Variants in RSRC1 observed in about 807,000 individuals in gnomAD.
RSRC1 encodes the protein arginine and serine rich coiled-coil 1.
Under a neutral mutation model 49.1 loss-of-function variants are expected in RSRC1, and 39 were observed. The ratio of observed to expected loss-of-function variants is 0.79; its 90% CI spans 0.61 to 1.04. The LOEUF (loss-of-function observed/expected upper bound fraction) is 1.04. Among genes scored for constraint, RSRC1 ranks in the 50% least tolerant of loss-of-function variants. RSRC1 has a pLI of 0.00. For synonymous variants in RSRC1, 143 were observed against 130.8 expected (o/e 1.09, Z -0.63); for missense variants, 388 against 402.4 (o/e 0.96, Z 0.31).
intron 7 of RSRC1, among the ~76,000 whole-genome samples, chr3:158,512,395 T>C (rs1451416432): frequency 6.8e-6 from 1 of 146,082 alleles, no homozygotes; most frequent in Non-Finnish European, 1.5e-5. Flanking sequence ...TGCTTGTTTT[T>C]CTCAGGTTTG....
intron 6 of RSRC1, 31 bp downstream of exon 6, chr3:158,354,939 G>A (rs750175086): frequency 6.8e-7 from 1 of 1,470,564 alleles, no homozygotes; most frequent in South Asian, 1.4e-5. Context: ...TTTATTAAAT[G>A]AAGAAGTGAC....
At chr3:158,189,110 A>G (rs1185774729) in intron 3 of RSRC1, among the ~76,000 whole-genome samples, 1 of 151,780 alleles carries the variant, frequency 6.6e-6, no homozygotes, top group African/African-American at 2.4e-5. Context: ...TTAATTTCCA[A>G]ACATTTAGGG....
intron 6 of RSRC1, among the ~76,000 whole-genome samples, chr3:158,371,827 A>G (rs1017614323): frequency 1.3e-5 from 2 of 151,896 alleles, no homozygotes; most frequent in African/African-American, 2.4e-5. Flanking sequence ...ACAGCAGTCT[A>G]TAAGAAATCC....
chr3:158,350,177 TAA>T (rs1560005509), intron 5 of RSRC1, among the ~76,000 whole-genome samples: 8 of 80,488 alleles, frequency 9.9e-5, no homozygotes, highest in African/African-American at 3.9e-4. Flanking sequence ...TATATATATA[TAA>T]TTTTTTTTTT....
chr3:158,509,130 G>T (rs190241544), intron 7 of RSRC1, among the ~76,000 whole-genome samples: 3 of 152,106 alleles, frequency 2.0e-5, no homozygotes, highest in Admixed American at 6.6e-5. Flanking sequence ...TATAGTTTTA[G>T]GTTTTATATT....
chr3:158,147,784 G>T (rs538427990), intron 3 of RSRC1, among the ~76,000 whole-genome samples: 1 of 152,224 alleles, frequency 6.6e-6, no homozygotes, highest in African/African-American at 2.4e-5. Context: ...TTGAACAATA[G>T]GAGAAATTCT....
intron 4 of RSRC1, among the ~76,000 whole-genome samples, chr3:158,245,691 A>G (rs1054085186): frequency 7.2e-5 from 11 of 152,158 alleles, no homozygotes. Context: ...TACTTTATGA[A>G]TCTGGGTGCT....
At chr3:158,249,724 G>C (rs1277349320) in intron 4 of RSRC1, among the ~76,000 whole-genome samples, 2 of 151,644 alleles carry the variant, frequency 1.3e-5, no homozygotes, top group East Asian at 3.9e-4. Context: ...TATATTAATG[G>C]AGTACATGAG....
rs1737664656 is a variant in RSRC1, at chr3:158,462,438, G to A, written c.652+1435G>A. On this transcript the variant is annotated intron_variant, in intron 7 of 9. Coordinates refer to ENST00000611884, the MANE Select transcript of RSRC1 (RefSeq NM_001271838.2). Reference sequence around the variant, plus strand: ...TGTGGTACCGTAAATCACGTGTATAGTACTTATGACCAAGCAATACAGTGA... The same window carrying A: ...TGTGGTACCGTAAATCACGTGTATAATACTTATGACCAAGCAATACAGTGA... 3.9e-5 allele frequency among the ~76,000 whole-genome samples: 6 copies of A among 151,940 alleles called. No individual in the cohort carries two copies. The South Asian group carries it at 1.2e-3, about 32-fold the overall frequency.
intron 4 of RSRC1, among the ~76,000 whole-genome samples, chr3:158,266,997 C>A (rs1387327461): frequency 6.6e-6 from 1 of 152,164 alleles, no homozygotes; most frequent in African/African-American, 2.4e-5. Context: ...CCCCTGAGCT[C>A]AAGTGATCCA....
intron 7 of RSRC1, among the ~76,000 whole-genome samples, chr3:158,474,624 C>T (rs1738288217): frequency 1.3e-5 from 2 of 152,198 alleles, no homozygotes; most frequent in African/African-American, 4.8e-5. Context: ...CTTCTTCTTT[C>T]AAAAGTTGGA....
chr3:158,251,472 T>C (rs1724205563), intron 4 of RSRC1, among the ~76,000 whole-genome samples: 1 of 152,220 alleles, frequency 6.6e-6, no homozygotes, highest in South Asian at 2.1e-4. Flanking sequence ...TTCCATTTTG[T>C]TATGTCCTCT....
At chr3:158,391,030 T>C (rs1369245026) in intron 6 of RSRC1, among the ~76,000 whole-genome samples, 1 of 152,174 alleles carries the variant, frequency 6.6e-6, no homozygotes, top group Non-Finnish European at 1.5e-5. Context: ...ATCTGCTTCA[T>C]GATAGAGCTA....
intron 4 of RSRC1, among the ~76,000 whole-genome samples, chr3:158,259,244 G>T (rs954649999): frequency 2.5e-4 from 38 of 152,262 alleles, no homozygotes; most frequent in African/African-American, 8.2e-4. Flanking sequence ...AGGGACTTGG[G>T]TGTTGCACTC....
At chr3:158,367,410 C>G (rs1287568914) in intron 6 of RSRC1, among the ~76,000 whole-genome samples, 1 of 152,066 alleles carries the variant, frequency 6.6e-6, no homozygotes, top group Admixed American at 6.6e-5. Flanking sequence ...GTTTTTGTCG[C>G]TGGTTCTGTT....
intron 1 of RSRC1, chr3:158,110,434 T>C (rs1714297340): frequency 6.6e-6 from 1 of 152,602 alleles, no homozygotes; most frequent in Admixed American, 6.5e-5. Flanking sequence ...GGCTGGTGGC[T>C]GTAGGGTGGG....
At chr3:158,118,392 C>T (rs1714991533) in intron 1 of RSRC1, among the ~76,000 whole-genome samples, 2 of 142,308 alleles carry the variant, frequency 1.4e-5, no homozygotes, top group South Asian at 4.5e-4. Flanking sequence ...TGCCACCATG[C>T]CTAGCTAAGT....
intron 7 of RSRC1, among the ~76,000 whole-genome samples, chr3:158,488,829 G>T (rs1738941755): frequency 6.6e-6 from 1 of 152,122 alleles, no homozygotes. Context: ...TGCTATCAAA[G>T]ACATTAGTCT....
chr3:158,229,696 T>C lies in RSRC1; in HGVS notation c.494+26451T>C, dbSNP rs77678816. ...TAACAAAGAAGTTGCAAGAAGAGCATAAAGAACTTGTATATGCCCTTTATC... is the reference window on the plus strand; with the variant it reads ...TAACAAAGAAGTTGCAAGAAGAGCACAAAGAACTTGTATATGCCCTTTATC... On this transcript the variant is annotated intron_variant, in intron 4 of 9. Coordinates refer to ENST00000611884, the MANE Select transcript of RSRC1 (RefSeq NM_001271838.2). Among the ~76,000 whole-genome samples, 121 of 152,068 alleles carry C rather than the reference T, an allele frequency of 8.0e-4. No individual in the cohort carries two copies. The East Asian group carries it at 0.022, about 28-fold the overall frequency.
Sources: allele counts gnomAD v4.1 joint callset (sites outside exome capture counted in the v4.1 genomes callset), GRCh38; gene constraint gnomAD v4.1.1; transcripts MANE v1.5; gene names NCBI Gene and HGNC (gene_info 2026-07-23, HGNC 2026-07-21).